The following ABI3BP variants were observed in gnomAD, a reference collection of about 807,000 sequenced individuals.
The protein encoded by ABI3BP is ABI family member 3 binding protein.
In ABI3BP, 216 loss-of-function variants were observed where a neutral mutation model predicts 268.6. That is an observed-to-expected ratio of 0.80 (90% confidence interval 0.72 to 0.90). The LOEUF is 0.90. Among genes scored for constraint, ABI3BP ranks in the 40% least tolerant of loss-of-function variants. ABI3BP has a pLI of 0.00. For synonymous variants in ABI3BP, 730 were observed against 730.0 expected (o/e 1.00, Z 0.00); for missense variants, 2,090 against 2,182.4 (o/e 0.96, Z 0.84).
rs147967396 is a variant in ABI3BP at position 100,887,830 on chromosome 3, T to A, written c.462-1507A>T. 3.9e-5 allele frequency among the ~76,000 whole-genome samples: 6 copies of A among 152,150 alleles called. No homozygotes were observed. In the East Asian group the frequency reaches 1.2e-3, roughly 29 times the overall value. ...CTAAGCTCTTGGTGATGCAAAACAA[T>A]CCCAGTATCTAGAGATGAGTATCAA... On this transcript the variant is annotated intron_variant, in intron 4 of 67. Transcript: ENST00000471714.
chr3:100,843,511 G>T, intron 20 of ABI3BP: 2 of 955,246 alleles, frequency 2.1e-6, no homozygotes, highest in South Asian at 9.8e-5. Flanking sequence ...AAGAGAGGGA[G>T]GGAGAGGATG....
rs982435993 is a variant in ABI3BP, at chr3:100,834,836, A to G, written c.2192-63T>C. On this transcript the variant is annotated intron_variant, in intron 28 of 67. Transcript: ENST00000471714. ...CCAGAAACCAAAGAAAGGATTACAC[A>G]TGGTTCTAGGTTTTCTAAAGTTTTC... The G allele has an allele frequency of 2.8e-6, 4 of 1,452,576 alleles. No homozygotes were observed. In the African/African-American group the frequency reaches 4.2e-5, roughly 15 times the overall value. 90.0% of individuals were successfully genotyped at this position (1,452,576 alleles called of 1,614,324 possible).
chr3:100,839,476 G>C (rs1480362193), intron 24 of ABI3BP, 93 bp downstream of exon 24: 10 of 1,275,062 alleles, frequency 7.8e-6, no homozygotes, highest in African/African-American at 4.4e-5. Context: ...ACTGTGATGA[G>C]GTGGTGGAAC....
intron 30 of ABI3BP, 130 bp downstream of exon 30, chr3:100,832,995 T>C: frequency 1.3e-6 from 1 of 769,804 alleles, no homozygotes; most frequent in South Asian, 2.4e-5. Flanking sequence ...AAAGCAAGCT[T>C]TCCATATTTT....
chr3:100,903,867 C>T (rs1008408923), intron 2 of ABI3BP, among the ~76,000 whole-genome samples: 3 of 152,174 alleles, frequency 2.0e-5, no homozygotes, highest in Non-Finnish European at 4.4e-5. Flanking sequence ...GATGAACTCA[C>T]CTCAGAGCTT....
At chr3:100,882,147 T>C (rs2039606236) in intron 6 of ABI3BP, among the ~76,000 whole-genome samples, 8 of 152,204 alleles carry the variant, frequency 5.3e-5, no homozygotes, top group Admixed American at 4.6e-4. Context: ...CATGTTCATA[T>C]GAATAAAAAA....
intron 57 of ABI3BP, among the ~76,000 whole-genome samples, chr3:100,781,053 T>C (rs1235363962): frequency 2.6e-5 from 4 of 152,298 alleles, no homozygotes; most frequent in Non-Finnish European, 5.9e-5. Context: ...ACTTCAGAAA[T>C]AATGACCTGT....
intron 38 of ABI3BP, 55 bp from the exon 39 acceptor site, chr3:100,821,168 A>C: frequency 4.1e-6 from 6 of 1,449,952 alleles, no homozygotes; most frequent in Non-Finnish European, 5.6e-6. Context: ...ATGTAAACTC[A>C]AAACTTTTCT....
At chr3:100,934,138 C>T (rs977436264) in intron 1 of ABI3BP, among the ~76,000 whole-genome samples, 4 of 151,882 alleles carry the variant, frequency 2.6e-5, no homozygotes, top group African/African-American at 4.8e-5. Context: ...CCCTAACCCC[C>T]CACCCCCAAA....
intron 61 of ABI3BP, among the ~76,000 whole-genome samples, chr3:100,771,815 G>A (rs2096554101): frequency 6.6e-6 from 1 of 152,100 alleles, no homozygotes; most frequent in African/African-American, 2.4e-5. Context: ...CTGAGGTAAA[G>A]AAGCGGGTGA....
At chr3:100,845,955 A>G (rs900051634) in intron 20 of ABI3BP, among the ~76,000 whole-genome samples, 3 of 152,028 alleles carry the variant, frequency 2.0e-5, no homozygotes, top group Admixed American at 2.0e-4. Flanking sequence ...TTGGGAAAAT[A>G]CAGGTCTTTC....
At chr3:100,811,515 A>C (rs1400651556) in intron 47 of ABI3BP, among the ~76,000 whole-genome samples, 1 of 152,140 alleles carries the variant, frequency 6.6e-6, no homozygotes, top group Non-Finnish European at 1.5e-5. Flanking sequence ...CTCAACCTTT[A>C]GACTTCAGCA....
At chr3:100,851,414 G>A (rs2098836885) in intron 15 of ABI3BP, among the ~76,000 whole-genome samples, 1 of 152,118 alleles carries the variant, frequency 6.6e-6, no homozygotes, top group Non-Finnish European at 1.5e-5. Flanking sequence ...TACTGCAGGG[G>A]TTTGGCAGCA....
chr3:100,899,311 G>A (rs2576369), intron 3 of ABI3BP, among the ~76,000 whole-genome samples: 127,111 of 152,172 alleles, frequency 0.84, 53,308 homozygotes, highest in East Asian at 1. Context: ...TTTTTTTCCC[G>A]GGACTGTGAA....
At chr3:100,909,743 G>T (rs974598295) in intron 2 of ABI3BP, among the ~76,000 whole-genome samples, 1 of 152,122 alleles carries the variant, frequency 6.6e-6, no homozygotes, top group Non-Finnish European at 1.5e-5. Context: ...CAGGTAGAAC[G>T]CCAATCATTA....
chr3:100,973,175 T>C (rs1012760964), intron 1 of ABI3BP, among the ~76,000 whole-genome samples: 2 of 152,182 alleles, frequency 1.3e-5, no homozygotes, highest in African/African-American at 4.8e-5. Context: ...TAGATAAGCT[T>C]CATTCAGTAA....
Position 100,775,245 on chromosome 3 carries a change from A to T in ABI3BP, c.4424T>A (p.Ile1475Lys), listed in dbSNP as rs1286407634. Reference sequence around the variant, plus strand: ...AGAGGCAGGAACTGTTGGTTGCTTTATATCTGTCTCTATTCTCTCCAAGGG... The same window carrying T: ...AGAGGCAGGAACTGTTGGTTGCTTTTTATCTGTCTCTATTCTCTCCAAGGG... ...GTPLERIETD[I>K]KQPTVPASGE... Residue 1475 changes from isoleucine (I) to lysine (K), a missense_variant, in exon 60 of 68, where the codon ATA becomes AAA. Transcript: ENST00000471714. 1.2e-6 allele frequency: 2 copies of T among 1,611,976 alleles called. No homozygotes were observed. Among genetic ancestry groups the T allele is most frequent in the Admixed American group, 3.3e-5 (2 of 59,818 alleles).
At chr3:100,763,758 TTTCTC>T (rs1218233415) in intron 63 of ABI3BP, among the ~76,000 whole-genome samples, 2 of 152,216 alleles carry the variant, frequency 1.3e-5, no homozygotes, top group Non-Finnish European at 2.9e-5. Flanking sequence ...CTGGGGCACT[TTTCTC>T]TACCTACTTC....
rs536724417 is a variant in ABI3BP, at chr3:100,884,123, A to G, written c.696+1413T>C. 3.3e-4 allele frequency among the ~76,000 whole-genome samples: 50 copies of G among 152,208 alleles called. 1 individual carries two copies. The South Asian group carries it at 0.01, about 31-fold the overall frequency. ...TGTTCTAAAGTTTTACCAGACTATTAATGGTTTTATACTACCCTTATAAGT... is the reference window on the plus strand; with the variant it reads ...TGTTCTAAAGTTTTACCAGACTATTGATGGTTTTATACTACCCTTATAAGT... On this transcript the variant is annotated intron_variant, in intron 6 of 67. Transcript: ENST00000471714.
Sources: gnomAD v4.1 joint callset for allele counts (sites outside exome capture counted in the v4.1 genomes callset) on GRCh38, gnomAD v4.1.1 for gene constraint, MANE v1.5 for transcripts, NCBI Gene and HGNC (gene_info 2026-07-23, HGNC 2026-07-21) for gene names.